The following SLIT2 variants were observed in gnomAD, a reference collection of about 807,000 sequenced individuals.
SLIT2 encodes slit homolog 2 protein.
SLIT2 carries 41 observed loss-of-function variants against 185.7 expected under a neutral mutation model. The ratio of observed to expected loss-of-function variants is 0.22; its 90% CI spans 0.17 to 0.29. The LOEUF (loss-of-function observed/expected upper bound fraction) is 0.29, where lower values mean the gene tolerates loss of function less well. SLIT2 is among the 10% of genes least tolerant of loss of function. The pLI is 1.00. For synonymous variants in SLIT2, 693 were observed against 680.2 expected, an observed-to-expected ratio of 1.02 and a Z score of -0.29; for missense variants, 1,571 against 1,909.0, an observed-to-expected ratio of 0.82 and a Z score of 3.30.
At chr4:20,392,827 C>T (rs1181929473) in intron 4 of SLIT2, among the ~76,000 whole-genome samples, 1 of 152,066 alleles carries the variant, frequency 6.6e-6, no homozygotes, top group African/African-American at 2.4e-5. Context: ...GAAGCGATAA[C>T]ACACAAAGAG....
At position 20,394,366 on chromosome 4, in the gene SLIT2, C is replaced by T. The variant is rs546835266; in HGVS notation, c.396-73386C>T. On this transcript the variant is annotated intron_variant, in intron 4 of 36. Coordinates refer to ENST00000504154, the MANE Select transcript of SLIT2 (RefSeq NM_004787.4). ...GTATGGAACTTTATTTAAAAGTTTC[C>T]CTTAAATGTGAACTTATGTAAAATC... Among the ~76,000 whole-genome samples, 32 of 151,884 alleles carry T rather than the reference C, an allele frequency of 2.1e-4. 1 individual carries two copies. Among genetic ancestry groups the T allele is most frequent in the African/African-American group, 7.5e-4 (31 of 41,436 alleles).
At chr4:20,357,119 A>G (rs1374233352) in intron 4 of SLIT2, among the ~76,000 whole-genome samples, 1 of 152,166 alleles carries the variant, frequency 6.6e-6, no homozygotes, top group African/African-American at 2.4e-5. Flanking sequence ...GTTAACATCT[A>G]CCACTGTCTT....
chr4:20,554,267 G>A, intron 26 of SLIT2: 1 of 497,358 alleles, frequency 2.0e-6, no homozygotes, highest in South Asian at 1.6e-5. Context: ...CAAGTCAAAT[G>A]TTTTGCTTTT....
intron 4 of SLIT2, among the ~76,000 whole-genome samples, chr4:20,273,831 GAT>G (rs1438630982): frequency 6.6e-6 from 1 of 152,156 alleles, no homozygotes; most frequent in African/African-American, 2.4e-5. Context: ...TGCCAGCTCT[GAT>G]TAAAGTGTGG....
At chr4:20,450,186 A>G (rs1712308612) in intron 4 of SLIT2, among the ~76,000 whole-genome samples, 1 of 152,204 alleles carries the variant, frequency 6.6e-6, no homozygotes, top group African/African-American at 2.4e-5. Context: ...TCAGACAATC[A>G]TTAGAGAATC....
intron 4 of SLIT2, among the ~76,000 whole-genome samples, chr4:20,336,966 T>A (rs1389697217): frequency 6.6e-6 from 1 of 152,232 alleles, no homozygotes; most frequent in African/African-American, 2.4e-5. Flanking sequence ...CTCCTGAGAA[T>A]ACAGCTAAGA....
chr4:20,342,612 G>T (rs760111607), intron 4 of SLIT2, among the ~76,000 whole-genome samples: 1 of 151,196 alleles, frequency 6.6e-6, no homozygotes, highest in African/African-American at 2.4e-5. Flanking sequence ...ATTTGAATAT[G>T]CTACTTTAAA....
intron 36 of SLIT2, among the ~76,000 whole-genome samples, chr4:20,618,177 CCTT>C (rs1729828868): frequency 1.3e-5 from 2 of 152,270 alleles, no homozygotes; most frequent in Non-Finnish European, 2.9e-5. Flanking sequence ...TCACCTTCCT[CCTT>C]CTCCTTTGTC....
intron 34 of SLIT2, among the ~76,000 whole-genome samples, chr4:20,610,540 C>T (rs73093165): frequency 6.6e-6 from 1 of 152,168 alleles, no homozygotes; most frequent in South Asian, 2.1e-4. Flanking sequence ...AATGATAAAA[C>T]AAGCTTAATG....
chr4:20,260,209 A>G (rs544487901), intron 3 of SLIT2, among the ~76,000 whole-genome samples: 1 of 151,976 alleles, frequency 6.6e-6, no homozygotes, highest in East Asian at 1.9e-4. Context: ...TCTTTATTTT[A>G]GTCAGTGTCA....
In SLIT2 at chr4:20,484,236, A is replaced by G. The variant is rs937773588; in HGVS notation, c.540-1964A>G. 4.6e-5 allele frequency among the ~76,000 whole-genome samples: 7 copies of G among 152,164 alleles called. No individual in the cohort carries two copies. Among genetic ancestry groups the G allele is most frequent in the Non-Finnish European group, 8.8e-5 (6 of 68,018 alleles). On this transcript the variant is annotated intron_variant, in intron 6 of 36. Coordinates refer to ENST00000504154, the MANE Select transcript of SLIT2 (RefSeq NM_004787.4). This position sits in a 1 kb window ranked among gnomAD's most constrained non-coding sequence, Gnocchi z 4.3. ...TATATACTATAAAGATTTTAGCCAT[A>G]TTAAGTCAGCATAAATTTTGAGGAT...
chr4:20,407,102 C>T (rs908606853), intron 4 of SLIT2, among the ~76,000 whole-genome samples: 1 of 152,182 alleles, frequency 6.6e-6, no homozygotes, highest in East Asian at 1.9e-4. Flanking sequence ...AATGGCAGAA[C>T]TAATCTGTAA....
At chr4:20,580,914 C>T (rs946326337) in intron 29 of SLIT2, among the ~76,000 whole-genome samples, 1 of 151,088 alleles carries the variant, frequency 6.6e-6, no homozygotes, top group African/African-American at 2.4e-5. Context: ...GAGAGGACAG[C>T]TACATGAAAT....
chr4:20,309,468 TACA>T (rs1717875943), intron 4 of SLIT2, among the ~76,000 whole-genome samples: 1 of 152,050 alleles, frequency 6.6e-6, no homozygotes, highest in Non-Finnish European at 1.5e-5. Flanking sequence ...TTTTTTAACT[TACA>T]ACTTTTTATT....
intron 29 of SLIT2, among the ~76,000 whole-genome samples, chr4:20,580,029 ATATATATTATGTATATAT>A (rs898192982): frequency 1.4e-5 from 2 of 141,054 alleles, no homozygotes; most frequent in African/African-American, 2.6e-5. Context: ...ATTATATATA[ATATATATTATGTATATAT>A]TATATATTAT....
chr4:20,277,006 C>T (rs1042793000), intron 4 of SLIT2, among the ~76,000 whole-genome samples: 1 of 152,114 alleles, frequency 6.6e-6, no homozygotes, highest in Admixed American at 6.6e-5. Flanking sequence ...GACTGGAAGT[C>T]GAGTAGGCGC....
intron 5 of SLIT2, among the ~76,000 whole-genome samples, chr4:20,476,319 T>C (rs1360911223): frequency 6.6e-6 from 1 of 152,168 alleles, no homozygotes; most frequent in African/African-American, 2.4e-5. Context: ...GTTTATATGT[T>C]TTATTTGGTT....
intron 4 of SLIT2, among the ~76,000 whole-genome samples, chr4:20,466,613 T>TTC (rs1268803826): frequency 6.6e-6 from 1 of 151,722 alleles, no homozygotes; most frequent in African/African-American, 2.4e-5. Context: ...TATCTGCCGG[T>TTC]TCTCTCTCTC....
chr4:20,457,349 T>C lies in SLIT2; in HGVS notation c.396-10403T>C, dbSNP rs1026878518. Among the ~76,000 whole-genome samples, 12 of 151,928 alleles carry C rather than the reference T, an allele frequency of 7.9e-5. 1 individual carries two copies. In the Middle Eastern group the frequency reaches 0.014, roughly 172 times the overall value. Reference sequence around the variant, plus strand: ...AAGACTACTCCAGTATTAACACATTTCAAAGAAAATTGCTAGAAAAAAGAA... The same window carrying C: ...AAGACTACTCCAGTATTAACACATTCCAAAGAAAATTGCTAGAAAAAAGAA... On this transcript the variant is annotated intron_variant, in intron 4 of 36. Transcript: ENST00000504154.
Sources: gnomAD v4.1 joint callset for allele counts (sites outside exome capture counted in the v4.1 genomes callset) on GRCh38, gnomAD v4.1.1 for gene constraint, Gnocchi (gnomAD v3.1) non-coding constraint, MANE v1.5 for transcripts, NCBI Gene and HGNC (gene_info 2026-07-23, HGNC 2026-07-21) for gene names.